Variants in OTUD4 observed in about 807,000 individuals in gnomAD.
OTUD4 encodes OTU domain-containing protein 4.
OTUD4 carries 24 observed loss-of-function variants against 130.4 expected under a neutral mutation model. The ratio of observed to expected loss-of-function variants is 0.18; its 90% CI spans 0.13 to 0.26. OTUD4 has a LOEUF of 0.26. Among genes scored for constraint, OTUD4 ranks in the 10% least tolerant of loss-of-function variants. The pLI is 1.00. For synonymous variants in OTUD4, 420 were observed against 472.5 expected (o/e 0.89, Z 1.44); for missense variants, 1,031 against 1,329.4 (o/e 0.78, Z 3.49).
In OTUD4 at chr4:145,138,304, T is replaced by C; in HGVS notation, c.2471A>G (p.His824Arg). ...ACTTAGTGACTCTTCATAATCAGCATGCAGAAGCTGCCCAGGGGTCTCAGA... is the reference window on the plus strand; with the variant it reads ...ACTTAGTGACTCTTCATAATCAGCACGCAGAAGCTGCCCAGGGGTCTCAGA... The part of the protein sequence containing the change: ...LESETPGQLL[H>R]ADYEESLSGK... The change falls in exon 21 of 21, where the codon CAT becomes CGT. Residue 824 changes from histidine (H) to arginine (R), a missense_variant. Physicochemically the swap from His to Arg is conservative, Grantham distance 29 (BLOSUM62 0). Transcript: ENST00000447906. 8 of 1,614,130 alleles carry C rather than the reference T, an allele frequency of 5.0e-6. No individual in the cohort carries two copies. The highest frequency in any genetic ancestry group is 5.9e-6 in the Non-Finnish European group (7 of 1,179,980).
At chr4:145,173,088 C>G (rs1474765033) in intron 2 of OTUD4, among the ~76,000 whole-genome samples, 1 of 152,134 alleles carries the variant, frequency 6.6e-6, no homozygotes, top group Admixed American at 6.6e-5. Context: ...CTGATCATAC[C>G]TCATAAAATT....
intron 2 of OTUD4, among the ~76,000 whole-genome samples, chr4:145,174,187 GT>G (rs1450743792): frequency 6.6e-6 from 1 of 152,082 alleles, no homozygotes; most frequent in African/African-American, 2.4e-5. Context: ...TAGACACAGA[GT>G]TTTGCCATGT....
At chr4:145,138,768 T>A in intron 20 of OTUD4, 118 bp from the exon 21 acceptor site, 1 of 784,240 alleles carries the variant, frequency 1.3e-6, no homozygotes, top group South Asian at 1.9e-5. Flanking sequence ...AAAGACCATA[T>A]AATCTATAGT....
Position 145,179,903 on chromosome 4 carries a change from G to A in OTUD4, c.71C>T (p.Pro24Leu). 5 of 1,529,028 alleles carry A rather than the reference G, an allele frequency of 3.3e-6. No homozygotes were observed. Among genetic ancestry groups the A allele is most frequent in the Non-Finnish European group, 4.4e-6 (5 of 1,144,358 alleles). The allele number at this position is 1,529,028 out of a possible 1,614,324, so 94.7% of individuals were successfully genotyped here. A position where few individuals can be genotyped will look rare whatever the true frequency, so the allele number is the denominator to read the frequency against. The change falls in exon 1 of 21, where the codon CCC becomes CTC. Residue 24 changes from proline (P) to leucine (L), a missense_variant. Around this residue, in one of 3 missense-constraint regions of OTUD4, gnomAD observed 54 missense variants for 60.6 expected, o/e 0.89. Transcript: ENST00000447906. ...GGAGPREDAT[P>L]MDAYLRKLGL... ...CAGTTTCCGCAGATAGGCGTCCATGGGCGTCGCGTCCTCGCGGGGCCCCGC... is the reference window on the plus strand; with the variant it reads ...CAGTTTCCGCAGATAGGCGTCCATGAGCGTCGCGTCCTCGCGGGGCCCCGC...
At chr4:145,179,700 G>A (rs1752598709) in intron 1 of OTUD4, 115 bp downstream of exon 1, 6 of 1,410,996 alleles carry the variant, frequency 4.3e-6, no homozygotes, top group Admixed American at 3.2e-5. Context: ...CGACAGCCAG[G>A]GCACGCGCAG....
chr4:145,160,373 T>C (rs569590064), intron 6 of OTUD4, among the ~76,000 whole-genome samples: 36 of 152,364 alleles, frequency 2.4e-4, no homozygotes, highest in African/African-American at 7.7e-4. Context: ...TAGACAACTT[T>C]GCTGCTTTAA....
intron 17 of OTUD4, among the ~76,000 whole-genome samples, chr4:145,142,698 T>C (rs1246060869): frequency 2.0e-5 from 3 of 152,230 alleles, no homozygotes; most frequent in Non-Finnish European, 4.4e-5. Context: ...CTAGCAGAGT[T>C]AAATACAACA....
Position 145,172,951 on chromosome 4 carries a change from T to C in OTUD4, c.244-1231A>G, listed in dbSNP as rs186684721. 9.5e-4 allele frequency among the ~76,000 whole-genome samples: 145 copies of C among 152,296 alleles called. 1 individual carries two copies. The highest frequency in any genetic ancestry group is 2.5e-3 in the South Asian group (12 of 4,828). On this transcript the variant is annotated intron_variant, in intron 2 of 20. Coordinates refer to ENST00000447906, the MANE Select transcript of OTUD4 (RefSeq NM_001366057.1). ...GAGCAGAAAGCGTCCACCTATGCCATGGCTGAACAATGTCAGTAACAAGGC... is the reference window on the plus strand; with the variant it reads ...GAGCAGAAAGCGTCCACCTATGCCACGGCTGAACAATGTCAGTAACAAGGC...
chr4:145,144,250 C>A, intron 15 of OTUD4, 61 bp downstream of exon 15: 1 of 1,548,788 alleles, frequency 6.5e-7, no homozygotes, highest in Non-Finnish European at 8.7e-7. Flanking sequence ...AAATATATGA[C>A]ATTAAGCCAG....
intron 6 of OTUD4, among the ~76,000 whole-genome samples, chr4:145,159,925 C>G (rs1579270811): frequency 6.6e-6 from 1 of 152,224 alleles, no homozygotes; most frequent in Non-Finnish European, 1.5e-5. Flanking sequence ...AGTAGGACAA[C>G]AGGAAAAGCC....
rs1751035068 is a variant in OTUD4, at chr4:145,150,841, T to G, written c.1033A>C (p.Met345Leu). The G allele has an allele frequency of 1.2e-6, 2 of 1,613,980 alleles. No individual in the cohort carries two copies. The highest frequency in any genetic ancestry group is 1.7e-6 in the Non-Finnish European group (2 of 1,179,908). The change falls in exon 12 of 21, where the codon ATG becomes CTG. Residue 345 changes from methionine to leucine, a missense_variant. This residue lies in a region of OTUD4 where 900 missense variants were observed against 1,095.9 expected (regional missense o/e 0.82). Transcript: ENST00000447906. ...ESWNTVSGKK[M>L]KKPSTSGQNF... ...TGTCCAGAAGTGGAAGGTTTTTTCA[T>G]CTTCTTCCCTGACACTGTGTTCCAG...
intron 14 of OTUD4, among the ~76,000 whole-genome samples, chr4:145,145,372 A>G (rs760468595): frequency 6.6e-6 from 1 of 152,162 alleles, no homozygotes; most frequent in Non-Finnish European, 1.5e-5. Flanking sequence ...CTAAACTCCA[A>G]TGCCTGTGCC....
In OTUD4 at chr4:145,171,550, A is replaced by G. The variant is rs560198909; in HGVS notation, c.294+120T>C. 2.0e-4 allele frequency: 117 copies of G among 578,000 alleles called. No homozygotes were observed. In the African/African-American group the frequency reaches 2.1e-3, roughly 10 times the overall value. The allele number at this position is 578,000 out of a possible 1,614,324, so 35.8% of individuals were successfully genotyped here. The stretch of plus-strand genomic sequence containing the variant: ...GTGTAGGAAACGTTTATAAGGAAAT[A>G]GGATACACCGTCACTGCAACTCCTC... On this transcript the variant is annotated intron_variant, in intron 3 of 20. Transcript: ENST00000447906.
At chr4:145,156,623 C>G (rs1383851748) in intron 7 of OTUD4, among the ~76,000 whole-genome samples, 1 of 151,498 alleles carries the variant, frequency 6.6e-6, no homozygotes, top group Non-Finnish European at 1.5e-5. Context: ...GCGGAGGTTG[C>G]AGTGAGCTGT....
chr4:145,160,427 A>G (rs1021066573), intron 6 of OTUD4, among the ~76,000 whole-genome samples: 3 of 152,246 alleles, frequency 2.0e-5, no homozygotes, highest in African/African-American at 7.2e-5. Flanking sequence ...ATAGGGAAAT[A>G]TATTTTAACA....
At chr4:145,169,158 G>C (rs1044563361) in intron 3 of OTUD4, among the ~76,000 whole-genome samples, 7 of 152,180 alleles carry the variant, frequency 4.6e-5, no homozygotes, top group Non-Finnish European at 7.3e-5. Flanking sequence ...ACTGCAAAAA[G>C]GCAAAAGGAA....
chr4:145,141,420 G>A lies in OTUD4; in HGVS notation c.2042C>T (p.Pro681Leu). 6.2e-7 allele frequency: 1 copy of A among 1,613,448 alleles called. No individual in the cohort carries two copies. The highest frequency in any genetic ancestry group is 8.5e-7 in the Non-Finnish European group (1 of 1,179,588). The change falls in exon 19 of 21, where the codon CCA becomes CTA. Residue 681 changes from proline (P) to leucine (L), a missense_variant. Transcript: ENST00000447906. Reference sequence around the variant, plus strand: ...CCCAGTCTGACACAGTGAATAAGGTGGTACAATGGCTCGATCTCCCTTTTC... The same window carrying A: ...CCCAGTCTGACACAGTGAATAAGGTAGTACAATGGCTCGATCTCCCTTTTC... ...CNEKGDRAIV[P>L]PYSLCQTGED... is the part of the protein sequence containing the mutation.
chr4:145,145,593 A>G (rs574540508), intron 14 of OTUD4, among the ~76,000 whole-genome samples: 124 of 152,328 alleles, frequency 8.1e-4, no homozygotes, highest in African/African-American at 2.8e-3. Context: ...ATCATAGGTC[A>G]TTTGGGTACT....
intron 2 of OTUD4, among the ~76,000 whole-genome samples, chr4:145,173,350 C>T (rs1439932624): frequency 6.6e-6 from 1 of 151,692 alleles, no homozygotes; most frequent in Non-Finnish European, 1.5e-5. Context: ...GCCAAGATGG[C>T]GCCACTGCAC....
Sources: allele counts gnomAD v4.1 joint callset (sites outside exome capture counted in the v4.1 genomes callset), GRCh38; gene constraint gnomAD v4.1.1; regional missense constraint gnomAD v4.1.1; transcripts MANE v1.5; gene names NCBI Gene and HGNC (gene_info 2026-07-23, HGNC 2026-07-21).